Variants in STYK1 observed in about 807,000 individuals in gnomAD.
STYK1 encodes STY kinase 1, also known as tyrosine-protein kinase STYK1.
In STYK1, 46 loss-of-function variants were observed where a neutral mutation model predicts 48.1. The ratio of observed to expected loss-of-function variants is 0.96; its 90% CI spans 0.75 to 1.22. STYK1 has a LOEUF of 1.22. Among genes scored for constraint, STYK1 ranks in the 50% most tolerant of loss-of-function variants. The probability of loss-of-function intolerance (pLI) is 0.00; values close to 1 mark genes in which losing one functional copy is unlikely to be tolerated. For synonymous variants in STYK1, 188 were observed against 189.0 expected, an observed-to-expected ratio of 0.99 and a Z score of 0.04; for missense variants, 527 against 521.1, an observed-to-expected ratio of 1.01 and a Z score of -0.11.
At chr12:10,658,213 AG>A (rs1947739322) in intron 1 of STYK1, among the ~76,000 whole-genome samples, 1 of 152,240 alleles carries the variant, frequency 6.6e-6, no homozygotes, top group African/African-American at 2.4e-5. Flanking sequence ...GAGTTTAAAA[AG>A]GTTTATGGGA....
rs141038622 is a variant in STYK1, at chr12:10,624,185, C to T, written c.926+466G>A. 9.2e-3 allele frequency among the ~76,000 whole-genome samples: 1,377 copies of T among 149,854 alleles called. 15 individuals carry two copies. Among genetic ancestry groups the T allele is most frequent in the African/African-American group, 0.032 (1,290 of 40,694 alleles). On this transcript the variant is annotated intron_variant, in intron 8 of 10. Coordinates refer to ENST00000075503, the MANE Select transcript of STYK1 (RefSeq NM_018423.3). ...CCTGTAATCCCAGCACTTTGGGAGG[C>T]GAAGGTGAGAGGATCACTTGAGCCC...
chr12:10,660,364 G>C (rs1446985724), intron 1 of STYK1, among the ~76,000 whole-genome samples: 1 of 152,088 alleles, frequency 6.6e-6, no homozygotes, highest in Non-Finnish European at 1.5e-5. Flanking sequence ...TAATAGTTAG[G>C]TATCAATATC....
chr12:10,639,475 C>T (rs188281492), intron 1 of STYK1, among the ~76,000 whole-genome samples: 11 of 151,634 alleles, frequency 7.3e-5, no homozygotes, highest in East Asian at 5.8e-4. Flanking sequence ...AGTGCAATGG[C>T]GTGATCTCAG....
chr12:10,639,448 T>C (rs1947520593), intron 1 of STYK1, among the ~76,000 whole-genome samples: 1 of 151,988 alleles, frequency 6.6e-6, no homozygotes, highest in South Asian at 2.1e-4. Flanking sequence ...AGTCTCGCTG[T>C]TGTGGGCCCA....
chr12:10,656,683 G>A (rs1479933985), intron 1 of STYK1, among the ~76,000 whole-genome samples: 4 of 152,068 alleles, frequency 2.6e-5, no homozygotes, highest in East Asian at 1.9e-4. Flanking sequence ...GTTTTTCTCC[G>A]TTTTATCTTC....
At position 10,636,123 on chromosome 12, in the gene STYK1, T is replaced by G. The variant is rs908729661; in HGVS notation, c.-69+948A>C. 2.6e-5 allele frequency among the ~76,000 whole-genome samples: 4 copies of G among 152,210 alleles called. No homozygotes were observed. The East Asian group carries it at 7.7e-4, about 29-fold the overall frequency. Reference sequence around the variant, plus strand: ...TGTCCTCTATCATTACATTATGCATTGTTTTTAATACTGATACTAATAACC... The same window carrying G: ...TGTCCTCTATCATTACATTATGCATGGTTTTTAATACTGATACTAATAACC... On this transcript the variant is annotated intron_variant, in intron 2 of 10. Coordinates refer to ENST00000075503, the MANE Select transcript of STYK1 (RefSeq NM_018423.3).
intron 1 of STYK1, among the ~76,000 whole-genome samples, chr12:10,662,457 A>G (rs1947787403): frequency 6.6e-6 from 1 of 152,236 alleles, no homozygotes; most frequent in Non-Finnish European, 1.5e-5. Flanking sequence ...AAGTGAGTGC[A>G]TCACTTTATA....
At chr12:10,630,973 C>A in intron 5 of STYK1, 72 bp downstream of exon 5, 1 of 1,561,508 alleles carries the variant, frequency 6.4e-7, no homozygotes. Flanking sequence ...TGTTAGTTAA[C>A]ATCTCAATGT....
intron 1 of STYK1, among the ~76,000 whole-genome samples, chr12:10,669,526 G>A (rs1947870413): frequency 1.3e-5 from 2 of 152,126 alleles, no homozygotes; most frequent in South Asian, 2.1e-4. Context: ...CACTGTGAAA[G>A]TACTAGAAGA....
intron 1 of STYK1, among the ~76,000 whole-genome samples, chr12:10,665,016 C>A (rs1166082411): frequency 2.6e-5 from 4 of 151,404 alleles, no homozygotes; most frequent in Non-Finnish European, 4.4e-5. Context: ...GTGGGACCTT[C>A]CAATCATGAA....
intron 1 of STYK1, among the ~76,000 whole-genome samples, chr12:10,668,503 G>A (rs1947858197): frequency 7.2e-6 from 1 of 139,290 alleles, no homozygotes; most frequent in African/African-American, 2.7e-5. Context: ...AGCCTCCCGA[G>A]TAGCTGGGAT....
chr12:10,663,190 T>C (rs1292376496), intron 1 of STYK1, among the ~76,000 whole-genome samples: 2 of 152,160 alleles, frequency 1.3e-5, no homozygotes, highest in Non-Finnish European at 2.9e-5. Context: ...TCAGAGCTCA[T>C]TGCAGCCTCA....
intron 1 of STYK1, among the ~76,000 whole-genome samples, chr12:10,650,276 A>C (rs1240896015): frequency 6.6e-6 from 1 of 152,180 alleles, no homozygotes; most frequent in Admixed American, 6.5e-5. Context: ...GTAAAGGAGA[A>C]AGAATAAAAG....
chr12:10,642,971 T>G (rs760590492), intron 1 of STYK1, among the ~76,000 whole-genome samples: 28 of 152,218 alleles, frequency 1.8e-4, no homozygotes, highest in Non-Finnish European at 3.8e-4. Context: ...ATATGCTGGC[T>G]AATTTCCACC....
chr12:10,634,775 C>T (rs1947468218), intron 2 of STYK1, 89 bp from the exon 3 acceptor site: 1 of 731,112 alleles, frequency 1.4e-6, no homozygotes, highest in Non-Finnish European at 2.2e-6. Context: ...CTCTACAGAT[C>T]ACTAGTTAAG....
In STYK1 at chr12:10,664,667, G is replaced by A. The variant is rs149395328; in HGVS notation, c.-195+9299C>T. On this transcript the variant is annotated intron_variant, in intron 1 of 10. Transcript: ENST00000075503. The stretch of plus-strand genomic sequence containing the variant: ...TCATACTTTTATGACCTTAGTTCAA[G>A]TGAGCCTGTCTCTATTTCCTAGTAA... 4.1e-4 allele frequency among the ~76,000 whole-genome samples: 62 copies of A among 152,292 alleles called. No individual in the cohort carries two copies. The East Asian group carries it at 0.011, about 28-fold the overall frequency.
At chr12:10,645,110 C>T (rs1358936577) in intron 1 of STYK1, among the ~76,000 whole-genome samples, 1 of 152,100 alleles carries the variant, frequency 6.6e-6, no homozygotes, top group Non-Finnish European at 1.5e-5. Context: ...AGAGTTTGTG[C>T]TGTTGTGGAA....
intron 1 of STYK1, among the ~76,000 whole-genome samples, chr12:10,650,832 C>T (rs996108920): frequency 6.6e-6 from 1 of 151,668 alleles, no homozygotes. Context: ...AGAACCCCGT[C>T]TCTACTAAAA....
chr12:10,636,223 T>C (rs1050296478), intron 2 of STYK1, among the ~76,000 whole-genome samples: 4 of 152,204 alleles, frequency 2.6e-5, no homozygotes, highest in African/African-American at 9.6e-5. Flanking sequence ...GATTCTGCCT[T>C]ACTTGTGTTC....
Sources: allele counts gnomAD v4.1 joint callset (sites outside exome capture counted in the v4.1 genomes callset), GRCh38; gene constraint gnomAD v4.1.1; transcripts MANE v1.5; gene names NCBI Gene and HGNC (gene_info 2026-07-23, HGNC 2026-07-21).